GABRA2: variants seen among roughly 807,000 people sequenced by gnomAD.
The protein encoded by GABRA2 is gamma-aminobutyric acid type A receptor subunit alpha2.
Under a neutral mutation model 48.7 loss-of-function variants are expected in GABRA2, and 16 were observed. The observed-to-expected ratio is 0.33, with a 90% confidence interval of 0.22 to 0.50. The LOEUF (loss-of-function observed/expected upper bound fraction) is 0.50. Ranked by LOEUF, GABRA2 falls within the 20% of genes least tolerant of loss-of-function variation. The pLI, the probability that GABRA2 is intolerant of heterozygous loss-of-function variation, is 0.98. For missense variants in GABRA2, 275 were observed against 535.6 expected (o/e 0.51, Z 4.80); for synonymous variants, 185 against 184.5 (o/e 1.00, Z -0.02).
At position 46,342,035 on chromosome 4, in the gene GABRA2, G is replaced by C. The variant is rs192398563; in HGVS notation, c.188-9353C>G. Among the ~76,000 whole-genome samples the C allele has an allele frequency of 4.4e-3, 662 of 152,076 alleles. 2 individuals are homozygous for C. Among genetic ancestry groups the C allele is most frequent in the Non-Finnish European group, 7.5e-3 (509 of 67,954 alleles). ...CAGTTTGCTGGTGATGGGAGTTTTG[G>C]GGAAGATCCAACCCGATTCTGTCAA... On this transcript the variant is annotated intron_variant, in intron 3 of 9. Transcript: ENST00000381620.
At chr4:46,283,363 A>C (rs1462155691) in intron 8 of GABRA2, among the ~76,000 whole-genome samples, 1 of 152,184 alleles carries the variant, frequency 6.6e-6, no homozygotes, top group East Asian at 1.9e-4. Flanking sequence ...CGAATTAAGC[A>C]AAACCATAAA....
chr4:46,278,447 T>C (rs543414447), intron 8 of GABRA2, among the ~76,000 whole-genome samples: 3 of 152,228 alleles, frequency 2.0e-5, no homozygotes, highest in East Asian at 3.9e-4. Context: ...GCTTCCTTCA[T>C]TCCTGGTGCA....
At chr4:46,310,751 T>G (rs772160472) in intron 5 of GABRA2, among the ~76,000 whole-genome samples, 1 of 152,194 alleles carries the variant, frequency 6.6e-6, no homozygotes, top group Non-Finnish European at 1.5e-5. Flanking sequence ...ATACATATAG[T>G]GCTAGATATA....
In GABRA2 at chr4:46,303,700, C is replaced by A. The variant is rs57276294; in HGVS notation, c.704-88G>T. ...GAAGGGATCAGAGGTAGAACAAAAA[C>A]TGATTTTTTAAAAAATAATATATCA... On this transcript the variant is annotated intron_variant, in intron 7 of 9. Coordinates refer to ENST00000381620, the MANE Select transcript of GABRA2 (RefSeq NM_000807.4). 4.9e-4 allele frequency: 586 copies of A among 1,190,086 alleles called. 1 individual carries two copies. In the African/African-American group the frequency reaches 7.2e-3, roughly 15 times the overall value. The allele number at this position is 1,190,086 out of a possible 1,614,324, so 73.7% of individuals were successfully genotyped here.
chr4:46,276,141 A>G (rs1246858247), intron 8 of GABRA2, among the ~76,000 whole-genome samples: 5 of 152,286 alleles, frequency 3.3e-5, no homozygotes, highest in African/African-American at 1.2e-4. Flanking sequence ...CTCTTGAAAC[A>G]CTTGAAACAT....
At chr4:46,376,444 C>T (rs1041789520) in intron 3 of GABRA2, among the ~76,000 whole-genome samples, 3 of 152,162 alleles carry the variant, frequency 2.0e-5, no homozygotes, top group Admixed American at 6.5e-5. Context: ...GTGAGTGAGG[C>T]ATGCTTGTGC....
At chr4:46,295,985 C>A (rs7684472) in intron 8 of GABRA2, among the ~76,000 whole-genome samples, 437 of 152,278 alleles carry the variant, frequency 2.9e-3, no homozygotes, top group African/African-American at 9.9e-3. Flanking sequence ...GGTTCATGCT[C>A]ATGGAATTCA....
rs149021648 is a variant in GABRA2, at chr4:46,268,768, C to T, written c.857-6640G>A. Among the ~76,000 whole-genome samples, 495 of 151,890 alleles carry T rather than the reference C, an allele frequency of 3.3e-3. 1 individual carries two copies. Among genetic ancestry groups the T allele is most frequent in the African/African-American group, 0.011 (446 of 41,486 alleles). On this transcript the variant is annotated intron_variant, in intron 8 of 9. Transcript: ENST00000381620. ...TTCATTACAACACTACTTATAATAG[C>T]CAACTTATGGGATCAACCTAAGTAT...
chr4:46,381,496 A>C (rs1462890151), intron 3 of GABRA2, among the ~76,000 whole-genome samples: 1 of 152,176 alleles, frequency 6.6e-6, no homozygotes, highest in East Asian at 1.9e-4. Flanking sequence ...AGGCCTACCA[A>C]TATTTTCTTG....
intron 3 of GABRA2, among the ~76,000 whole-genome samples, chr4:46,341,147 T>C (rs1733154089): frequency 6.6e-6 from 1 of 152,036 alleles, no homozygotes; most frequent in South Asian, 2.1e-4. Context: ...ACTTTCCTTT[T>C]ATTATTTAGA....
chr4:46,262,948 AAGAAAGAAAGAGAGAG>A (rs1418671228), intron 8 of GABRA2, among the ~76,000 whole-genome samples: 43 of 94,812 alleles, frequency 4.5e-4, no homozygotes, highest in African/African-American at 2.3e-3. Context: ...GAAAGAAAGA[AAGAAAGAAAGAGAGAG>A]AGAGAGAGAG....
In GABRA2 at chr4:46,244,861, A is replaced by G. The variant is rs1161799556; in HGVS notation, c.*5447T>C. Among the ~76,000 whole-genome samples, 1 of 151,354 alleles carries G rather than the reference A, an allele frequency of 6.6e-6. No individual in the cohort carries two copies. Among genetic ancestry groups the G allele is most frequent in the Non-Finnish European group, 1.5e-5 (1 of 67,510 alleles). On this transcript the variant is annotated 3_prime_UTR_variant, in exon 10 of 10. Coordinates refer to ENST00000381620, the MANE Select transcript of GABRA2 (RefSeq NM_000807.4). Reference sequence around the variant, plus strand: ...AGCATCACAAAAACGGGTATTGCTTACTGTACAGTACAGTTTTATTGTTGA... The same window carrying G: ...AGCATCACAAAAACGGGTATTGCTTGCTGTACAGTACAGTTTTATTGTTGA...
intron 3 of GABRA2, among the ~76,000 whole-genome samples, chr4:46,361,069 C>A (rs893043151): frequency 1.3e-5 from 2 of 152,130 alleles, no homozygotes; most frequent in African/African-American, 4.8e-5. Context: ...TAAAAAATTG[C>A]AGCCTGACAA....
Position 46,260,538 on chromosome 4 carries a change from G to A in GABRA2, c.1059+1388C>T, listed in dbSNP as rs539801601. 3.6e-4 allele frequency among the ~76,000 whole-genome samples: 55 copies of A among 151,684 alleles called. 1 individual carries two copies. The highest frequency in any genetic ancestry group is 1.1e-3 in the African/African-American group (45 of 41,452). On this transcript the variant is annotated intron_variant, in intron 9 of 9. Transcript: ENST00000381620. ...ATAATATATCAATAAATTTATATAC[G>A]GGAATTCATGGCACAAAATGTTTAT... is the stretch of plus-strand genomic sequence containing the variant.
intron 3 of GABRA2, among the ~76,000 whole-genome samples, chr4:46,341,615 G>T (rs1733255520): frequency 6.6e-6 from 1 of 152,020 alleles, no homozygotes; most frequent in Admixed American, 6.6e-5. Context: ...GGATTAGGGG[G>T]AAGTAACATC....
chr4:46,308,506 C>G (rs1727090594), intron 6 of GABRA2, among the ~76,000 whole-genome samples: 1 of 152,146 alleles, frequency 6.6e-6, no homozygotes, highest in Non-Finnish European at 1.5e-5. Flanking sequence ...TTGTATATTA[C>G]TCCACACTGG....
intron 9 of GABRA2, among the ~76,000 whole-genome samples, chr4:46,254,108 C>T (rs1230742147): frequency 6.6e-6 from 1 of 151,344 alleles, no homozygotes; most frequent in African/African-American, 2.4e-5. Flanking sequence ...CAAAGAATAT[C>T]CATACCCTAG....
At chr4:46,375,596 C>A (rs1003837020) in intron 3 of GABRA2, among the ~76,000 whole-genome samples, 6 of 152,156 alleles carry the variant, frequency 3.9e-5, no homozygotes, top group Non-Finnish European at 8.8e-5. Context: ...GCTCTCTGAG[C>A]CTTACACTCT....
intron 1 of GABRA2, 139 bp from the exon 2 acceptor site, chr4:46,388,855 G>T: frequency 7.2e-7 from 1 of 1,387,942 alleles, no homozygotes; most frequent in Non-Finnish European, 9.4e-7. Context: ...ACTCTGTGTA[G>T]GACTTGATGA....
Sources: gnomAD v4.1 joint callset for allele counts (sites outside exome capture counted in the v4.1 genomes callset) on GRCh38, gnomAD v4.1.1 for gene constraint, MANE v1.5 for transcripts, NCBI Gene and HGNC (gene_info 2026-07-23, HGNC 2026-07-21) for gene names.